Variants in SLC25A26 observed in about 807,000 individuals in gnomAD.
SLC25A26 encodes the protein solute carrier family 25 member 26, also known as mitochondrial S-adenosylmethionine carrier protein.
SLC25A26 carries 36 observed loss-of-function variants against 37.8 expected under a neutral mutation model. That is an observed-to-expected ratio of 0.95 (90% confidence interval 0.73 to 1.26). The LOEUF (loss-of-function observed/expected upper bound fraction) is 1.26. SLC25A26 is among the 50% of genes most tolerant of loss of function. The pLI, the probability that SLC25A26 is intolerant of heterozygous loss-of-function variation, is 0.00. For missense variants in SLC25A26, 390 were observed against 331.1 expected (o/e 1.18, Z -1.38); for synonymous variants, 129 against 122.5 (o/e 1.05, Z -0.35).
At chr3:66,218,653 T>A (rs2071396643), upstream of SLC25A26, among the ~76,000 whole-genome samples, 1 of 152,162 alleles carries the variant, frequency 6.6e-6, no homozygotes, top group Non-Finnish European at 1.5e-5. Context: ...GACAACTGAG[T>A]AATTTATGAG....
intron 5 of SLC25A26, among the ~76,000 whole-genome samples, chr3:66,274,728 G>T (rs373153263): frequency 2.3e-5 from 3 of 130,302 alleles, no homozygotes; most frequent in East Asian, 2.2e-4. Flanking sequence ...TTAGAATGGC[G>T]ATCATTAAAA....
chr3:66,366,861 C>T (rs2076834593), intron 7 of SLC25A26, among the ~76,000 whole-genome samples: 1 of 152,170 alleles, frequency 6.6e-6, no homozygotes, highest in African/African-American at 2.4e-5. Flanking sequence ...GGTCCCGCAC[C>T]AGCTGTGTGG....
intron 1 of SLC25A26, among the ~76,000 whole-genome samples, chr3:66,204,637 T>G (rs1287825896): frequency 6.6e-6 from 1 of 152,176 alleles, no homozygotes; most frequent in Non-Finnish European, 1.5e-5. Context: ...CTTGTTCATC[T>G]ATATTCCTAG....
chr3:66,141,774 C>G (rs1370545466), intron 1 of SLC25A26, among the ~76,000 whole-genome samples: 5 of 152,178 alleles, frequency 3.3e-5, no homozygotes, highest in Non-Finnish European at 7.3e-5. Flanking sequence ...CTTGGCCTCC[C>G]AAAGTACTGG....
intron 1 of SLC25A26, among the ~76,000 whole-genome samples, chr3:66,150,615 T>A (rs1472090911): frequency 1.3e-4 from 5 of 38,698 alleles, no homozygotes; most frequent in Non-Finnish European, 2.5e-4. Flanking sequence ...TATATATATA[T>A]ATATATATAT....
intron 5 of SLC25A26, among the ~76,000 whole-genome samples, chr3:66,277,196 T>G (rs1371153928): frequency 6.6e-6 from 1 of 152,116 alleles, no homozygotes; most frequent in Non-Finnish European, 1.5e-5. Flanking sequence ...TGAGCAGTAT[T>G]GTTCCATCTA....
chr3:66,351,321 AAG>A (rs532616144), intron 6 of SLC25A26, among the ~76,000 whole-genome samples: 292 of 152,276 alleles, frequency 1.9e-3, no homozygotes, highest in Non-Finnish European at 3.5e-3. Flanking sequence ...TTTTAGATGA[AAG>A]AGGACAAGAC....
intron 5 of SLC25A26, among the ~76,000 whole-genome samples, chr3:66,267,999 A>G (rs1433660494): frequency 2.0e-5 from 3 of 152,202 alleles, no homozygotes; most frequent in Admixed American, 6.5e-5. Context: ...CTCATGTTAT[A>G]TAAGTCTCCT....
chr3:66,278,214 T>TA (rs2074221390), intron 5 of SLC25A26, among the ~76,000 whole-genome samples: 2 of 152,270 alleles, frequency 1.3e-5, no homozygotes, highest in South Asian at 4.1e-4. Flanking sequence ...AAAAACAAAC[T>TA]AAAATGCCAC....
chr3:66,273,209 G>A (rs558493338), intron 5 of SLC25A26, among the ~76,000 whole-genome samples: 1 of 152,110 alleles, frequency 6.6e-6, no homozygotes, highest in African/African-American at 2.4e-5. Flanking sequence ...ATTTTATTGA[G>A]GATTTTTGCG....
chr3:66,137,217 CTTTTTT>C (rs528438794), intron 1 of SLC25A26, among the ~76,000 whole-genome samples: 1 of 118,836 alleles, frequency 8.4e-6, no homozygotes, highest in African/African-American at 3.3e-5. Context: ...GATTTTCTTT[CTTTTTT>C]TTTTTTTTTT....
At chr3:66,303,330 G>T (rs1225561764) in intron 5 of SLC25A26, among the ~76,000 whole-genome samples, 1 of 152,220 alleles carries the variant, frequency 6.6e-6, no homozygotes, top group Non-Finnish European at 1.5e-5. Context: ...TTTAAGGAAA[G>T]ACTTCTGGGA....
chr3:66,278,772 C>T (rs2074241010), intron 5 of SLC25A26, among the ~76,000 whole-genome samples: 1 of 152,164 alleles, frequency 6.6e-6, no homozygotes, highest in Non-Finnish European at 1.5e-5. Context: ...GCCACCTTGT[C>T]CTCCTTAACC....
chr3:66,245,087 T>A (rs2072767122), intron 3 of SLC25A26, among the ~76,000 whole-genome samples: 1 of 152,136 alleles, frequency 6.6e-6, no homozygotes, highest in Admixed American at 6.5e-5. Context: ...TTTCTATTTT[T>A]GAAGAGATGG....
chr3:66,233,608 T>C (rs1055941338), intron 1 of SLC25A26, among the ~76,000 whole-genome samples: 1 of 152,244 alleles, frequency 6.6e-6, no homozygotes, highest in Non-Finnish European at 1.5e-5. Flanking sequence ...GATATAGGCA[T>C]TCCTTAAGGA....
At chr3:66,336,851 ATT>A (rs2076102425) in intron 5 of SLC25A26, among the ~76,000 whole-genome samples, 1 of 152,148 alleles carries the variant, frequency 6.6e-6, no homozygotes, top group Admixed American at 6.6e-5. Flanking sequence ...TTAGTAATAG[ATT>A]TTTAAGAACT....
At chr3:66,240,096 C>A (rs2072499647) in intron 2 of SLC25A26, among the ~76,000 whole-genome samples, 1 of 152,086 alleles carries the variant, frequency 6.6e-6, no homozygotes, top group Non-Finnish European at 1.5e-5. Flanking sequence ...TGGGAGAGAT[C>A]CTTTTGCTCT....
At chr3:66,316,925 G>C (rs1392929836) in intron 5 of SLC25A26, among the ~76,000 whole-genome samples, 1 of 152,034 alleles carries the variant, frequency 6.6e-6, no homozygotes, top group Non-Finnish European at 1.5e-5. Flanking sequence ...CATTGTGAAG[G>C]TCTCATGTTG....
At chr3:66,181,855 C>A (rs181545529) in intron 1 of SLC25A26, among the ~76,000 whole-genome samples, 7 of 132,662 alleles carry the variant, frequency 5.3e-5, no homozygotes, top group African/African-American at 2.0e-4. Context: ...CCTCTTCTTT[C>A]CCTGGACCTG....
Sources: allele counts gnomAD v4.1 joint callset (sites outside exome capture counted in the v4.1 genomes callset), GRCh38; gene constraint gnomAD v4.1.1; transcripts MANE v1.5; gene names NCBI Gene and HGNC (gene_info 2026-07-23, HGNC 2026-07-21).